SLC9A8: variants seen among roughly 807,000 people sequenced by gnomAD.
SLC9A8 encodes the protein sodium/hydrogen exchanger 8.
Under a neutral mutation model 66.6 loss-of-function variants are expected in SLC9A8, and 48 were observed. The ratio of observed to expected loss-of-function variants is 0.72; its 90% CI spans 0.57 to 0.92. The LOEUF (loss-of-function observed/expected upper bound fraction) is 0.92. Ranked by LOEUF, SLC9A8 falls within the 40% of genes least tolerant of loss-of-function variation. SLC9A8 has a pLI of 0.00. For missense variants in SLC9A8, 599 were observed against 747.3 expected (o/e 0.80, Z 2.31); for synonymous variants, 274 against 282.6 (o/e 0.97, Z 0.31).
intron 2 of SLC9A8, among the ~76,000 whole-genome samples, chr20:49,818,294 C>T (rs1379678588): frequency 2.6e-5 from 4 of 152,068 alleles, no homozygotes; most frequent in Non-Finnish European, 5.9e-5. Flanking sequence ...TAGAGTCACA[C>T]CAATGTTAGA....
chr20:49,815,179 C>T lies in SLC9A8; in HGVS notation c.198C>T (p.Leu66=), dbSNP rs1450807152. Residue 66 remains leucine (L), a synonymous_variant, in exon 2 of 16, where the codon CTC becomes CTT. Transcript: ENST00000361573. ...GCGGCATGACCATTTTCTTCAGCCT[C>T]CTTGTCCTAGGTGAATATGGACACT... ...QSSGMTIFFS[L]LVLAICIILV... 1 of 1,558,242 alleles carries T rather than the reference C, an allele frequency of 6.4e-7. No individual in the cohort carries two copies. Among genetic ancestry groups the T allele is most frequent in the Non-Finnish European group, 8.7e-7 (1 of 1,150,024 alleles).
intron 12 of SLC9A8, among the ~76,000 whole-genome samples, chr20:49,878,970 T>C (rs1600803641): frequency 6.6e-6 from 1 of 151,850 alleles, no homozygotes; most frequent in East Asian, 1.9e-4. Context: ...TGCAGTGAGC[T>C]GAGATCATGC....
At chr20:49,877,597 T>A (rs780008433) in intron 11 of SLC9A8, among the ~76,000 whole-genome samples, 7 of 152,198 alleles carry the variant, frequency 4.6e-5, no homozygotes, top group Non-Finnish European at 8.8e-5. Context: ...ACATTTGTCA[T>A]GTGGCGTCTG....
intron 10 of SLC9A8, among the ~76,000 whole-genome samples, chr20:49,866,746 C>T (rs2088985639): frequency 1.3e-5 from 2 of 152,098 alleles, no homozygotes; most frequent in Non-Finnish European, 2.9e-5. Flanking sequence ...CTTCAGTTTA[C>T]TCCAGTTATG....
Position 49,823,053 on chromosome 20 carries a change from T to G in SLC9A8, c.209-8T>G. ...TTTTAAAACATTGTATTATTTTTTT[T>G]TCCACAGCTATCTGCATCATATTGG... On this transcript the variant is annotated splice_polypyrimidine_tract_variant and splice_region_variant and intron_variant, in intron 2 of 15. Transcript: ENST00000361573. The G allele has an allele frequency of 6.2e-7, 1 of 1,608,158 alleles. No homozygotes were observed. The highest frequency in any genetic ancestry group is 2.2e-5 in the East Asian group (1 of 44,844).
At position 49,825,640 on chromosome 20, in the gene SLC9A8, C is replaced by G. The variant is rs574187336; in HGVS notation, c.289+2499C>G. 3.3e-5 allele frequency among the ~76,000 whole-genome samples: 5 copies of G among 152,182 alleles called. No homozygotes were observed. The South Asian group carries it at 8.3e-4, about 25-fold the overall frequency. ...CCTGGGTGACAGAGCAAGACTCTGT[C>G]TCAAAACAAACAAACAAAAAAAATT... On this transcript the variant is annotated intron_variant, in intron 3 of 15. Coordinates refer to ENST00000361573, the MANE Select transcript of SLC9A8 (RefSeq NM_015266.3).
At chr20:49,816,790 A>G (rs1293788345) in intron 2 of SLC9A8, among the ~76,000 whole-genome samples, 8 of 151,672 alleles carry the variant, frequency 5.3e-5, no homozygotes, top group Non-Finnish European at 1.0e-4. Context: ...GTGCAGTGGC[A>G]TTATCTCGGC....
chr20:49,884,160 C>A, intron 14 of SLC9A8, 94 bp downstream of exon 14: 1 of 1,029,880 alleles, frequency 9.7e-7, no homozygotes, highest in Non-Finnish European at 1.5e-6. Flanking sequence ...ATGAGCCTTG[C>A]TTTCTTGCTT....
chr20:49,817,507 A>G (rs1425762184), intron 2 of SLC9A8, among the ~76,000 whole-genome samples: 1 of 150,948 alleles, frequency 6.6e-6, no homozygotes, highest in Non-Finnish European at 1.5e-5. Flanking sequence ...TTTATTAAGG[A>G]AAAGTATAAC....
chr20:49,813,083 T>G (rs2146418695), intron 1 of SLC9A8, 135 bp downstream of exon 1: 32 of 245,980 alleles, frequency 1.3e-4, no homozygotes, highest in Non-Finnish European at 1.4e-4. Context: ...ACCAAGCCGG[T>G]GCCTACGAGG....
In SLC9A8 at chr20:49,890,372, A is replaced by C. The variant is rs2090012739; in HGVS notation, c.*2436A>C. ...TTGGGGCAGTGAATGCATAGAAGAT[A>C]TAAAAATACGCAGCTTAACTATATC... On this transcript the variant is annotated 3_prime_UTR_variant, in exon 16 of 16. Transcript: ENST00000361573. 6.6e-6 allele frequency: 1 copy of C among 152,248 alleles called. No homozygotes were observed. The highest frequency in any genetic ancestry group is 2.4e-5 in the African/African-American group (1 of 41,454). 9.4% of individuals were successfully genotyped at this position (152,248 alleles called of 1,614,324 possible).
chr20:49,875,716 C>T (rs1179613202), intron 11 of SLC9A8, among the ~76,000 whole-genome samples: 1 of 151,984 alleles, frequency 6.6e-6, no homozygotes, highest in African/African-American at 2.4e-5. Context: ...TCAAAATCAC[C>T]CCTGGCATTT....
intron 14 of SLC9A8, among the ~76,000 whole-genome samples, chr20:49,885,398 C>T (rs2089854257): frequency 6.6e-6 from 1 of 152,146 alleles, no homozygotes; most frequent in Non-Finnish European, 1.5e-5. Flanking sequence ...TGATCGTGGC[C>T]CACTGCAGCC....
chr20:49,872,835 A>G (rs2089268616), intron 10 of SLC9A8, among the ~76,000 whole-genome samples: 1 of 152,256 alleles, frequency 6.6e-6, no homozygotes, highest in Admixed American at 6.5e-5. Flanking sequence ...CACTGTTTCC[A>G]CAAAATGGCA....
At chr20:49,882,831 T>G (rs1280557890) in intron 13 of SLC9A8, among the ~76,000 whole-genome samples, 1 of 152,208 alleles carries the variant, frequency 6.6e-6, no homozygotes, top group Non-Finnish European at 1.5e-5. Flanking sequence ...TTAGAGAGGC[T>G]GAGAGTCCCT....
chr20:49,884,227 C>CGTG, intron 14 of SLC9A8, 161 bp downstream of exon 14: 2 of 214,362 alleles, frequency 9.3e-6, no homozygotes, highest in Admixed American at 6.6e-5. Flanking sequence ...CACACACACA[C>CGTG]ACACACACAC....
intron 2 of SLC9A8, among the ~76,000 whole-genome samples, chr20:49,820,946 A>T (rs1176966318): frequency 6.6e-6 from 1 of 152,130 alleles, no homozygotes; most frequent in African/African-American, 2.4e-5. Context: ...TCTTTTGTCT[A>T]TTCATGTCCT....
chr20:49,863,011 A>G lies in SLC9A8; in HGVS notation c.796A>G (p.Lys266Glu), dbSNP rs376467705. The G allele has an allele frequency of 9.3e-6, 15 of 1,613,958 alleles. No homozygotes were observed. The East Asian group carries it at 1.3e-4, about 14-fold the overall frequency. ...TTTACAAGCCCTTGACTACTTCCTCAAAATGTTCTTTGGCTCTGCAGCGCT... is the reference window on the plus strand; with the variant it reads ...TTTACAAGCCCTTGACTACTTCCTCGAAATGTTCTTTGGCTCTGCAGCGCT... ...TFLQALDYFLKMFFGSAALGT... is the reference protein window; with the variant it reads ...TFLQALDYFLEMFFGSAALGT... The change falls in exon 9 of 16, where the codon AAA becomes GAA. Residue 266 changes from lysine to glutamate, a missense_variant. Physicochemically the swap from Lys to Glu is moderately conservative, Grantham distance 56. This residue lies in a region of SLC9A8 where 467 missense variants were observed against 626.5 expected (regional missense o/e 0.75). Coordinates refer to ENST00000361573, the MANE Select transcript of SLC9A8 (RefSeq NM_015266.3).
intron 10 of SLC9A8, among the ~76,000 whole-genome samples, chr20:49,867,886 C>T (rs1044833945): frequency 1.1e-4 from 17 of 152,174 alleles, no homozygotes; most frequent in African/African-American, 4.1e-4. Context: ...ACTTTTCTAC[C>T]CAGTCGCTAT....
Sources: allele counts gnomAD v4.1 joint callset (sites outside exome capture counted in the v4.1 genomes callset), GRCh38; gene constraint gnomAD v4.1.1; regional missense constraint gnomAD v4.1.1; transcripts MANE v1.5; gene names NCBI Gene and HGNC (gene_info 2026-07-23, HGNC 2026-07-21).